The following PLXNA4 variants were observed in gnomAD, a reference collection of about 807,000 sequenced individuals.
PLXNA4 encodes plexin-A4.
PLXNA4 carries 44 observed loss-of-function variants against 191.8 expected under a neutral mutation model. The ratio of observed to expected loss-of-function variants is 0.23; its 90% CI spans 0.18 to 0.29. The LOEUF (loss-of-function observed/expected upper bound fraction) is 0.29, where lower values mean the gene tolerates loss of function less well. Among genes scored for constraint, PLXNA4 ranks in the 10% least tolerant of loss-of-function variants. The probability of loss-of-function intolerance (pLI) is 1.00; values close to 1 mark genes in which losing one functional copy is unlikely to be tolerated. For synonymous variants in PLXNA4, 1,082 were observed against 1,009.5 expected (o/e 1.07, Z -1.36); for missense variants, 1,800 against 2,488.8 (o/e 0.72, Z 5.89).
chr7:132,148,173 CT>C (rs1795491238), intron 26 of PLXNA4, among the ~76,000 whole-genome samples, 174 bp from the exon 27 acceptor site: 1 of 152,180 alleles, frequency 6.6e-6, no homozygotes, highest in African/African-American at 2.4e-5. Context: ...GATCTGGATA[CT>C]GACAAGTATT....
chr7:132,212,999 A>G (rs946144244), intron 9 of PLXNA4, among the ~76,000 whole-genome samples: 1 of 152,244 alleles, frequency 6.6e-6, no homozygotes, highest in African/African-American at 2.4e-5. Flanking sequence ...AGGTAGAAGC[A>G]ACCCAGGTGT....
intron 1 of PLXNA4, among the ~76,000 whole-genome samples, chr7:132,572,464 G>A (rs926653946): frequency 2.6e-5 from 4 of 152,120 alleles, no homozygotes; most frequent in African/African-American, 7.2e-5. Flanking sequence ...CCACAGGACC[G>A]GACAAGTGTG....
rs979244559 is a variant in PLXNA4, at chr7:132,165,055, G to A, written c.4353+79C>T. ...AGCCAGGCCCAGTAAGGGAGGACTC[G>A]GGGGTGTGGAGCGATCCCCAGTCAG... On this transcript the variant is annotated intron_variant, in intron 23 of 31. Coordinates refer to ENST00000321063, the MANE Select transcript of PLXNA4 (RefSeq NM_020911.2). The A allele has an allele frequency of 2.5e-5, 38 of 1,547,918 alleles. No homozygotes were observed. The African/African-American group carries it at 3.4e-4, about 14-fold the overall frequency.
At chr7:132,404,461 G>A (rs986653237) in intron 3 of PLXNA4, among the ~76,000 whole-genome samples, 2 of 152,214 alleles carry the variant, frequency 1.3e-5, no homozygotes, top group African/African-American at 2.4e-5. Flanking sequence ...GAGCCAGGGG[G>A]CAGTGGGCAG....
intron 18 of PLXNA4, 66 bp downstream of exon 18, chr7:132,181,315 G>C: frequency 6.3e-7 from 1 of 1,596,184 alleles, no homozygotes; most frequent in Non-Finnish European, 8.5e-7. Context: ...TCTGTGACTT[G>C]AACACCCCCT....
intron 3 of PLXNA4, among the ~76,000 whole-genome samples, chr7:132,348,974 A>G (rs768082285): frequency 5.9e-5 from 9 of 152,104 alleles, no homozygotes; most frequent in Non-Finnish European, 1.0e-4. Context: ...GCAGCGTCCC[A>G]AGTCTGAGGC....
intron 3 of PLXNA4, among the ~76,000 whole-genome samples, chr7:132,470,097 A>G (rs1018497795): frequency 4.6e-4 from 70 of 152,336 alleles, no homozygotes; most frequent in African/African-American, 1.7e-3. Flanking sequence ...AAAGTTTTTT[A>G]TGCCCAAAGC....
chr7:132,379,433 A>G (rs192048672), intron 3 of PLXNA4, among the ~76,000 whole-genome samples: 2 of 152,314 alleles, frequency 1.3e-5, no homozygotes, highest in Non-Finnish European at 2.9e-5. Context: ...TGGAGGCAGC[A>G]TGTCAAAGCC....
At chr7:132,335,928 T>A (rs1802799005) in intron 3 of PLXNA4, among the ~76,000 whole-genome samples, 1 of 152,248 alleles carries the variant, frequency 6.6e-6, no homozygotes, top group Non-Finnish European at 1.5e-5. Flanking sequence ...ATGTGCCATT[T>A]GGCAAGACCA....
At chr7:132,343,874 G>A (rs185042677) in intron 3 of PLXNA4, among the ~76,000 whole-genome samples, 13 of 152,272 alleles carry the variant, frequency 8.5e-5, no homozygotes, top group Admixed American at 2.6e-4. Flanking sequence ...CTGAGATCAT[G>A]TTACTTCACT....
At chr7:132,235,259 C>T (rs1011112229) in intron 5 of PLXNA4, among the ~76,000 whole-genome samples, 2 of 152,206 alleles carry the variant, frequency 1.3e-5, no homozygotes, top group South Asian at 2.1e-4. Flanking sequence ...GCATTGTAGG[C>T]CCAGCGAGGG....
intron 25 of PLXNA4, among the ~76,000 whole-genome samples, chr7:132,157,596 A>G (rs947966461): frequency 6.6e-6 from 1 of 152,146 alleles, no homozygotes; most frequent in East Asian, 1.9e-4. Flanking sequence ...CAACTTTGCA[A>G]TCTCAGCTTC....
intron 21 of PLXNA4, among the ~76,000 whole-genome samples, chr7:132,171,070 ATCTGCCCATTTATCTG>A: frequency 6.6e-6 from 1 of 152,314 alleles, no homozygotes; most frequent in Non-Finnish European, 1.5e-5. Flanking sequence ...CCGGGCCTCA[ATCTGCCCATTTATCTG>A]TCTTCCAACT....
chr7:132,442,557 G>T (rs1408779361), intron 3 of PLXNA4, among the ~76,000 whole-genome samples: 2 of 152,132 alleles, frequency 1.3e-5, no homozygotes, highest in African/African-American at 2.4e-5. Flanking sequence ...TCTCCATGGG[G>T]TTCTTTCTGT....
In PLXNA4 at chr7:132,641,336, G is replaced by A. The variant is rs182868139; in HGVS notation, c.-87+4592C>T. On this transcript the variant is annotated intron_variant, in intron 2 of 4. Coordinates refer to the PLXNA4 transcript ENST00000378539. ...TACAGGCAGCTTTGGTTTCTCCTGAGGCCTCTCTCCTTGGCTTGCAAATGA... is the reference window on the plus strand; with the variant it reads ...TACAGGCAGCTTTGGTTTCTCCTGAAGCCTCTCTCCTTGGCTTGCAAATGA... Among the ~76,000 whole-genome samples, 8 of 152,296 alleles carry A rather than the reference G, an allele frequency of 5.3e-5. No individual in the cohort carries two copies. The East Asian group carries it at 1.5e-3, about 29-fold the overall frequency.
intron 3 of PLXNA4, among the ~76,000 whole-genome samples, chr7:132,320,165 C>T (rs1407440914): frequency 1.3e-5 from 2 of 152,198 alleles, no homozygotes; most frequent in East Asian, 1.9e-4. Context: ...GCCGGGGGTG[C>T]CATAACAGGT....
intron 2 of PLXNA4, among the ~76,000 whole-genome samples, chr7:132,606,522 G>A (rs914590956): frequency 6.6e-6 from 1 of 152,210 alleles, no homozygotes; most frequent in Non-Finnish European, 1.5e-5. Context: ...GCAGTTTTCT[G>A]CATTCACCTA....
At position 132,199,550 on chromosome 7, in the gene PLXNA4, G is replaced by C. The variant is rs75901187; in HGVS notation, c.2587-914C>G. ...TCTCATCCTGGCGTTTCATGGACCA[G>C]AGAAGGGCATGCTTCCATTCCTGGT... On this transcript the variant is annotated intron_variant, in intron 12 of 31. Transcript: ENST00000321063. Among the ~76,000 whole-genome samples, 1,196 of 152,318 alleles carry C rather than the reference G, an allele frequency of 7.9e-3. 16 individuals carry two copies. Among genetic ancestry groups the C allele is most frequent in the African/African-American group, 0.027 (1,139 of 41,556 alleles).
Position 132,381,510 on chromosome 7 carries a change from A to G in PLXNA4, c.1372-83288T>C, listed in dbSNP as rs560131437. Among the ~76,000 whole-genome samples, 8 of 152,364 alleles carry G rather than the reference A, an allele frequency of 5.3e-5. No individual in the cohort carries two copies. In the South Asian group the frequency reaches 1.7e-3, roughly 32 times the overall value. Reference sequence around the variant, plus strand: ...TGTAGTGCATCTCTAAGAGGAGGCTATGTAGTATTTCTTAAATTTGACCAG... The same window carrying G: ...TGTAGTGCATCTCTAAGAGGAGGCTGTGTAGTATTTCTTAAATTTGACCAG... On this transcript the variant is annotated intron_variant, in intron 3 of 31. Coordinates refer to ENST00000321063, the MANE Select transcript of PLXNA4 (RefSeq NM_020911.2).
Sources: gnomAD v4.1 joint callset for allele counts (sites outside exome capture counted in the v4.1 genomes callset) on GRCh38, gnomAD v4.1.1 for gene constraint, MANE v1.5 for transcripts, NCBI Gene and HGNC (gene_info 2026-07-23, HGNC 2026-07-21) for gene names.